PDPR: variants seen among roughly 807,000 people sequenced by gnomAD.
PDPR encodes pyruvate dehydrogenase phosphatase regulatory subunit, mitochondrial.
A neutral mutation model predicts 102.2 loss-of-function variants in PDPR; 50 were observed. The ratio of observed to expected loss-of-function variants is 0.49; its 90% confidence interval spans 0.39 to 0.62. PDPR has a LOEUF of 0.62. Among genes scored for constraint, PDPR ranks in the 20% least tolerant of loss-of-function variants. PDPR has a pLI of 0.00. For missense variants in PDPR, 625 were observed against 1,098.2 expected (o/e 0.57, Z 6.09); for synonymous variants, 259 against 406.0 (o/e 0.64, Z 4.35).
Position 70,156,887 on chromosome 16 carries a change from A to G in PDPR, c.*8A>G. The G allele has an allele frequency of 5.0e-6, 8 of 1,611,988 alleles. No individual in the cohort carries two copies. The highest frequency in any genetic ancestry group is 6.8e-6 in the Non-Finnish European group (8 of 1,178,970). On this transcript the variant is annotated 3_prime_UTR_variant, in exon 19 of 19. Coordinates refer to ENST00000288050, the MANE Select transcript of PDPR (RefSeq NM_017990.5). ...GACTTACATGGGAAGTGATGCCACC[A>G]GGGCAGCCTCACCTCCTCCCCATCA...
At chr16:70,155,399 A>G (rs1205848809) in intron 18 of PDPR, among the ~76,000 whole-genome samples, 5 of 152,214 alleles carry the variant, frequency 3.3e-5, no homozygotes, top group Non-Finnish European at 2.9e-5. Context: ...CTCCTGCCTC[A>G]GTCTCCCGAG....
chr16:70,131,451 T>C, intron 8 of PDPR, 32 bp downstream of exon 8: 1 of 1,463,034 alleles, frequency 6.8e-7, no homozygotes, highest in Non-Finnish European at 9.4e-7. Flanking sequence ...AAAAATCTTG[T>C]TTCTTTGCCA....
rs1211766800 is a variant in PDPR, at chr16:70,120,123, G to A, written c.-32-338G>A. On this transcript the variant is annotated intron_variant, in intron 2 of 18. Coordinates refer to ENST00000288050, the MANE Select transcript of PDPR (RefSeq NM_017990.5). ...GTAGAGACAGGGTTTCACCATGTTG[G>A]TAAGACTGGTCTCGAACCCCTGACC... The A allele has an allele frequency of 3.5e-5, 8 of 230,870 alleles. No individual in the cohort carries two copies. In the East Asian group the frequency reaches 7.0e-4, roughly 20 times the overall value. The allele number at this position is 230,870 out of a possible 1,614,324, so 14.3% of individuals were successfully genotyped here.
At chr16:70,127,492 A>T in intron 4 of PDPR, 99 bp downstream of exon 4, 1 of 1,560,776 alleles carries the variant, frequency 6.4e-7, no homozygotes, top group Non-Finnish European at 8.7e-7. Flanking sequence ...CTGCTTTGGT[A>T]ATTAAAACTT....
intron 2 of PDPR, among the ~76,000 whole-genome samples, chr16:70,118,763 T>C (rs1189116065): frequency 1.3e-5 from 2 of 152,042 alleles, no homozygotes; most frequent in Admixed American, 6.5e-5. Flanking sequence ...GAAGCTTCTG[T>C]TTTGAGATGG....
At chr16:70,153,095 A>C (rs1966841892) in intron 17 of PDPR, among the ~76,000 whole-genome samples, 1 of 152,296 alleles carries the variant, frequency 6.6e-6, no homozygotes, top group African/African-American at 2.4e-5. Context: ...ATGGTGAGAG[A>C]GCTTCTATAA....
intron 2 of PDPR, among the ~76,000 whole-genome samples, chr16:70,116,084 C>T (rs936782378): frequency 8.8e-5 from 13 of 147,818 alleles, no homozygotes; most frequent in African/African-American, 3.2e-4. Context: ...TTTTTGGCGC[C>T]AAGCACCCTG....
intron 17 of PDPR, 115 bp from the exon 18 acceptor site, chr16:70,153,276 T>G: frequency 8.4e-7 from 1 of 1,185,040 alleles, no homozygotes; most frequent in African/African-American, 1.6e-5. Flanking sequence ...CCTGGGAGTT[T>G]TATACGCCTC....
In PDPR at chr16:70,156,836, G is replaced by A. The variant is rs375340611; in HGVS notation, c.2597G>A (p.Arg866His). The change falls in exon 19 of 19, where the codon CGC becomes CAC. Residue 866 changes from arginine (R) to histidine (H), a missense_variant. Physicochemically the swap from Arg to His is conservative, Grantham distance 29 (BLOSUM62 0). Coordinates refer to ENST00000288050, the MANE Select transcript of PDPR (RefSeq NM_017990.5). Reference sequence around the variant, plus strand: ...GTCGCCTCCCTCTTCACCCAGAAGCGCCGAAAGGATGACATGGAGCTGAGT... The same window carrying A: ...GTCGCCTCCCTCTTCACCCAGAAGCACCGAAAGGATGACATGGAGCTGAGT... ...YPVASLFTQK[R>H]RKDDMELSDL... is the part of the protein sequence containing the mutation. 1.1e-4 allele frequency: 173 copies of A among 1,613,786 alleles called. No homozygotes were observed. Among genetic ancestry groups the A allele is most frequent in the South Asian group, 4.8e-4 (44 of 91,064 alleles).
intron 3 of PDPR, among the ~76,000 whole-genome samples, chr16:70,123,494 T>C (rs1963573308): frequency 6.6e-6 from 1 of 152,262 alleles, no homozygotes; most frequent in East Asian, 1.9e-4. Flanking sequence ...CACCTCAACC[T>C]CCCAAAGTAC....
chr16:70,156,442 G>A (rs374728579), intron 18 of PDPR, 33 bp from the exon 19 acceptor site: 40 of 1,607,806 alleles, frequency 2.5e-5, no homozygotes, highest in African/African-American at 6.7e-5. Flanking sequence ...TCTGAGTGTC[G>A]CTGGATGACT....
intron 3 of PDPR, among the ~76,000 whole-genome samples, chr16:70,123,360 C>T (rs1224907541): frequency 6.6e-6 from 1 of 152,248 alleles, no homozygotes; most frequent in Admixed American, 6.5e-5. Flanking sequence ...CCACAGCCTC[C>T]TGAGTAGCTG....
At chr16:70,152,804 A>G (rs139884127) in intron 17 of PDPR, among the ~76,000 whole-genome samples, 544 of 152,268 alleles carry the variant, frequency 3.6e-3, no homozygotes, top group Middle Eastern at 0.014. Flanking sequence ...CTGATCTGAT[A>G]ACGTACATGT....
downstream of PDPR, among the ~76,000 whole-genome samples, chr16:70,163,402 G>C (rs370953849): frequency 1.3e-5 from 2 of 152,104 alleles, no homozygotes; most frequent in Non-Finnish European, 2.9e-5. Context: ...AGAAACCTGG[G>C]ACTCACCTGG....
At chr16:70,124,604 C>T (rs1485793370) in intron 3 of PDPR, among the ~76,000 whole-genome samples, 1 of 152,246 alleles carries the variant, frequency 6.6e-6, no homozygotes, top group East Asian at 1.9e-4. Context: ...TTAAAAGCTT[C>T]CCCGGGGACT....
intron 9 of PDPR, among the ~76,000 whole-genome samples, chr16:70,135,086 G>T (rs567488648): frequency 7.2e-4 from 110 of 152,310 alleles, no homozygotes; most frequent in African/African-American, 2.6e-3. Context: ...CCTGGCGAGA[G>T]TAGTATGATG....
chr16:70,137,698 T>C (rs959387607), intron 10 of PDPR, among the ~76,000 whole-genome samples: 3 of 152,272 alleles, frequency 2.0e-5, no homozygotes, highest in African/African-American at 7.2e-5. Flanking sequence ...AGACCAGTTC[T>C]CTTGAGTGAT....
chr16:70,136,908 A>G (rs1028412576), intron 10 of PDPR, among the ~76,000 whole-genome samples: 1 of 152,194 alleles, frequency 6.6e-6, no homozygotes, highest in Non-Finnish European at 1.5e-5. Flanking sequence ...ACATCTGGCT[A>G]ATTTTTCTAT....
intron 3 of PDPR, among the ~76,000 whole-genome samples, chr16:70,123,808 T>C (rs1416541597): frequency 6.6e-6 from 1 of 152,276 alleles, no homozygotes; most frequent in Non-Finnish European, 1.5e-5. Context: ...ATCCCAGGAC[T>C]TTGGGAGGCC....
Sources: gnomAD v4.1 joint callset for allele counts (sites outside exome capture counted in the v4.1 genomes callset) on GRCh38, gnomAD v4.1.1 for gene constraint, MANE v1.5 for transcripts, NCBI Gene and HGNC (gene_info 2026-07-23, HGNC 2026-07-21) for gene names.